AARS2: variants seen among roughly 807,000 people sequenced by gnomAD.
AARS2 encodes alanyl-tRNA synthetase 2, mitochondrial.
A neutral mutation model predicts 119.7 loss-of-function variants in AARS2; 78 were observed. That is an observed-to-expected ratio of 0.65 (90% CI 0.54 to 0.79). The LOEUF (loss-of-function observed/expected upper bound fraction) is 0.79, where lower values mean the gene tolerates loss of function less well. AARS2 is among the 30% of genes least tolerant of loss of function. The pLI is 0.00. For missense variants in AARS2, 1,157 were observed against 1,291.3 expected (o/e 0.90, Z 1.59); for synonymous variants, 502 against 526.3 (o/e 0.95, Z 0.63).
Position 44,299,140 on chromosome 6 carries a change from C to T in AARS2, c.*1407G>A, listed in dbSNP as rs1175048234. 6.6e-6 allele frequency among the ~76,000 whole-genome samples: 1 copy of T among 152,200 alleles called. No homozygotes were observed. The highest frequency in any genetic ancestry group is 1.5e-5 in the Non-Finnish European group (1 of 68,048). On this transcript the variant is annotated 3_prime_UTR_variant, in exon 22 of 22. Coordinates refer to ENST00000244571, the MANE Select transcript of AARS2 (RefSeq NM_020745.4). Reference sequence around the variant, plus strand: ...CCCTGATTTCCACACGGGTCACACCCTCACCTCCCAGCTCCCTGCTCACAT... The same window carrying T: ...CCCTGATTTCCACACGGGTCACACCTTCACCTCCCAGCTCCCTGCTCACAT...
At chr6:44,312,746 T>C (rs534152122) in intron 1 of AARS2, among the ~76,000 whole-genome samples, 12 of 152,168 alleles carry the variant, frequency 7.9e-5, no homozygotes, top group Non-Finnish European at 1.8e-4. Flanking sequence ...AGAATAGTAC[T>C]CAGCAAACAA....
At chr6:44,312,328 G>C (rs962132456) in intron 1 of AARS2, 65 bp from the exon 2 acceptor site, 10 of 1,526,926 alleles carry the variant, frequency 6.5e-6, no homozygotes, top group Non-Finnish European at 8.1e-6. Flanking sequence ...GGGAAATGTG[G>C]GGAGTGAGGA....
In AARS2 at chr6:44,312,739, A is replaced by C. The variant is rs143749459; in HGVS notation, c.243+342T>G. Reference sequence around the variant, plus strand: ...TTGATAAAAACCAAAACCTTAGAGAATAGTACTCAGCAAACAATAGGTGAT... The same window carrying C: ...TTGATAAAAACCAAAACCTTAGAGACTAGTACTCAGCAAACAATAGGTGAT... On this transcript the variant is annotated intron_variant, in intron 1 of 21. Coordinates refer to ENST00000244571, the MANE Select transcript of AARS2 (RefSeq NM_020745.4). Among the ~76,000 whole-genome samples, 512 of 152,338 alleles carry C rather than the reference A, an allele frequency of 3.4e-3. 7 individuals are homozygous for C. Among genetic ancestry groups the C allele is most frequent in the African/African-American group, 0.012 (493 of 41,588 alleles).
chr6:44,311,224 C>A (rs764076716), intron 3 of AARS2, 63 bp from the exon 4 acceptor site: 138 of 1,605,330 alleles, frequency 8.6e-5, no homozygotes, highest in Non-Finnish European at 1.1e-4. Flanking sequence ...ACTCTCTCTG[C>A]CATGAGAGCC....
chr6:44,304,282 G>A lies in AARS2; in HGVS notation c.1906C>T (p.His636Tyr). Residue 636 changes from histidine (H) to tyrosine (Y), a missense_variant, in exon 14 of 22, where the codon CAC (histidine) becomes TAC (tyrosine). By Grantham distance (83) the His-to-Tyr change is moderately conservative. Coordinates refer to ENST00000244571, the MANE Select transcript of AARS2 (RefSeq NM_020745.4). ...LGCMAKHTAT[H>Y]LLNWALRQTL... ...TGCCTCAGTGCCCAGTTCAGCAGGT[G>A]GGTGGCCGTATGCTTCGCCATGCAG... 1.2e-6 allele frequency: 2 copies of A among 1,614,202 alleles called. No homozygotes were observed. The highest frequency in any genetic ancestry group is 1.1e-5 in the South Asian group (1 of 91,088).
chr6:44,309,544 T>C (rs115375619), intron 5 of AARS2, among the ~76,000 whole-genome samples: 1,709 of 152,300 alleles, frequency 0.011, 34 homozygotes, highest in African/African-American at 0.038. Flanking sequence ...GTCAAGCCCT[T>C]TCTTGCGGGG....
In AARS2 at chr6:44,303,285, C is replaced by T; in HGVS notation, c.2145+1G>A. 6.2e-7 allele frequency: 1 copy of T among 1,614,162 alleles called. No individual in the cohort carries two copies. The highest frequency in any genetic ancestry group is 8.5e-7 in the Non-Finnish European group (1 of 1,180,034). On this transcript the variant is annotated splice_donor_variant, in intron 15 of 21. Coordinates refer to ENST00000244571, the MANE Select transcript of AARS2 (RefSeq NM_020745.4). LOFTEE classifies it high-confidence loss of function. ...CCAGCAAAAGGGCTTCCCCAACTCACCTCATCCAGAGAGCGCAGGCCAGGG... is the reference window on the plus strand; with the variant it reads ...CCAGCAAAAGGGCTTCCCCAACTCATCTCATCCAGAGAGCGCAGGCCAGGG...
At chr6:44,302,544 A>G in intron 17 of AARS2, 31 bp from the exon 18 acceptor site, 1 of 1,613,608 alleles carries the variant, frequency 6.2e-7, no homozygotes, top group Non-Finnish European at 8.5e-7. Flanking sequence ...GGTCAGGATT[A>G]CATTCATCTC....
At position 44,307,078 on chromosome 6, in the gene AARS2, C is replaced by T. The variant is rs776805334; in HGVS notation, c.1041-47G>A. ...ACATGAATCCCCAGCGGCTCATGGT[C>T]AGCAATATGGGGAGTGGGAAGGACG... On this transcript the variant is annotated intron_variant, in intron 6 of 21. Transcript: ENST00000244571. This position sits in a 1 kb window ranked among gnomAD's most constrained non-coding sequence, Gnocchi z 4.4. The T allele has an allele frequency of 1.9e-6, 3 of 1,606,810 alleles. No individual in the cohort carries two copies. The highest frequency in any genetic ancestry group is 2.6e-6 in the Non-Finnish European group (3 of 1,173,964).
chr6:44,304,757 G>A lies in AARS2; in HGVS notation c.1640C>T (p.Ala547Val), dbSNP rs1368931094. The change falls in exon 12 of 22, where the codon GCC (alanine) becomes GTC (valine). Residue 547 changes from alanine to valine, a missense_variant. Coordinates refer to ENST00000244571, the MANE Select transcript of AARS2 (RefSeq NM_020745.4). ...QLYTEDGTAV[A>V]SVGKGQRCGL... ...ACAGCGCTGGCCTTTCCCCACGGAGGCCACTGCTGTCCCGTCCTCTGTATA... is the reference window on the plus strand; with the variant it reads ...ACAGCGCTGGCCTTTCCCCACGGAGACCACTGCTGTCCCGTCCTCTGTATA... 3 of 1,614,116 alleles carry A rather than the reference G, an allele frequency of 1.9e-6. No homozygotes were observed. The highest frequency in any genetic ancestry group is 1.6e-4 in the Middle Eastern group (1 of 6,082).
rs114397709 is a variant in AARS2 at position 44,311,848 on chromosome 6, T to G, written c.435+224A>C. 5.8e-3 allele frequency among the ~76,000 whole-genome samples: 879 copies of G among 152,356 alleles called. 8 individuals carry two copies. The highest frequency in any genetic ancestry group is 0.02 in the African/African-American group (823 of 41,592). ...GCACCTTAGCATTGCTGTTTGACCA[T>G]TTATTCAAACAACAATTTTTGAGTG... On this transcript the variant is annotated intron_variant, in intron 2 of 21. Coordinates refer to ENST00000244571, the MANE Select transcript of AARS2 (RefSeq NM_020745.4).
In AARS2 at chr6:44,304,252, G is replaced by C. The variant is rs1785628752; in HGVS notation, c.1936C>G (p.Leu646Val). Residue 646 changes from leucine to valine, a missense_variant, in exon 14 of 22, where the codon CTG becomes GTG. Leu to Val is a conservative substitution (Grantham distance 32). Coordinates refer to ENST00000244571, the MANE Select transcript of AARS2 (RefSeq NM_020745.4). ...HLLNWALRQT[L>V]GPGTEQQGSH... ...CCCTGCTGCTCTGTGCCAGGGCCCA[G>C]GGTCTGCCTCAGTGCCCAGTTCAGC... 6.2e-7 allele frequency: 1 copy of C among 1,614,220 alleles called. No homozygotes were observed. Among genetic ancestry groups the C allele is most frequent in the Non-Finnish European group, 8.5e-7 (1 of 1,180,034 alleles).
Position 44,300,558 on chromosome 6 carries a change from T to C in AARS2, c.2947A>G (p.Ser983Gly), listed in dbSNP as rs1785270102. 1 of 1,614,046 alleles carries C rather than the reference T, an allele frequency of 6.2e-7. No individual in the cohort carries two copies. The highest frequency in any genetic ancestry group is 8.5e-7 in the Non-Finnish European group (1 of 1,180,032). ...ALSIAQTYAL[S>G]QL is the part of the protein sequence containing the mutation. ...TGGGCGGACCTGGGTCAGAGCTGGC[T>C]GAGGGCATAGGTTTGGGCTATACTG... is the stretch of plus-strand genomic sequence containing the variant. Residue 983 changes from serine (S) to glycine (G), a missense_variant, in exon 22 of 22, where the codon AGC becomes GGC. Transcript: ENST00000244571.
At chr6:44,309,047 C>T (rs1037980859) in intron 5 of AARS2, among the ~76,000 whole-genome samples, 1 of 152,214 alleles carries the variant, frequency 6.6e-6, no homozygotes, top group Non-Finnish European at 1.5e-5. Context: ...TGGGACTTTA[C>T]AGCTGTTTCC....
chr6:44,299,350 G>A lies in AARS2; in HGVS notation c.*1197C>T, dbSNP rs1009499618. ...GCGGCCTTGAATTCCTGGGCAAAGT[G>A]ATTTTCCCACCTCAGCCTCCCAAGT... is the stretch of plus-strand genomic sequence containing the variant. On this transcript the variant is annotated 3_prime_UTR_variant, in exon 22 of 22. Coordinates refer to ENST00000244571, the MANE Select transcript of AARS2 (RefSeq NM_020745.4). 6.6e-5 allele frequency among the ~76,000 whole-genome samples: 10 copies of A among 152,080 alleles called. No individual in the cohort carries two copies. The East Asian group carries it at 1.8e-3, about 27-fold the overall frequency.
chr6:44,300,750 C>T (rs771391213), intron 21 of AARS2, 39 bp from the exon 22 acceptor site: 2 of 1,603,466 alleles, frequency 1.2e-6, no homozygotes, highest in East Asian at 4.5e-5. Context: ...TGCAGAGTGG[C>T]CCTCCCTGCC....
At chr6:44,306,647 C>T (rs981677394) in intron 7 of AARS2, 115 bp from the exon 8 acceptor site, 1 of 1,280,086 alleles carries the variant, frequency 7.8e-7, no homozygotes, top group African/African-American at 1.5e-5. Flanking sequence ...CATTGAGGGG[C>T]TGGGAGAGGG....
rs897312131 is a variant in AARS2 at position 44,307,490 on chromosome 6, C to G, written c.895-96G>C. On this transcript the variant is annotated intron_variant, in intron 5 of 21. Transcript: ENST00000244571. The surrounding 1 kb of genome is among the most constrained non-coding windows in gnomAD (Gnocchi z 4.4). The stretch of plus-strand genomic sequence containing the variant: ...GAGCATCTGCCCTCAGCCCTAAAGC[C>G]AACCACATCCAGAATGGCCTTGCCA... 6.8e-6 allele frequency: 10 copies of G among 1,479,518 alleles called. No homozygotes were observed. Among genetic ancestry groups the G allele is most frequent in the African/African-American group, 2.8e-5 (2 of 72,078 alleles). 91.6% of individuals were successfully genotyped at this position (1,479,518 alleles called of 1,614,324 possible).
At position 44,300,172 on chromosome 6, in the gene AARS2, G is replaced by T; in HGVS notation, c.*375C>A. 1 of 279,578 alleles carries T rather than the reference G, an allele frequency of 3.6e-6. No homozygotes were observed. Among genetic ancestry groups the T allele is most frequent in the Non-Finnish European group, 7.0e-6 (1 of 142,176 alleles). The allele number at this position is 279,578 out of a possible 1,614,324, so 17.3% of individuals were successfully genotyped here. On this transcript the variant is annotated 3_prime_UTR_variant, in exon 22 of 22. Transcript: ENST00000244571. ...TTTTTTGTATTTTTAGTAGAGATGG[G>T]GTTTCACCATGTTAGCCAGGATGGT...
Sources: gnomAD v4.1 joint callset for allele counts (sites outside exome capture counted in the v4.1 genomes callset) on GRCh38, gnomAD v4.1.1 for gene constraint, Gnocchi (gnomAD v3.1) non-coding constraint, MANE v1.5 for transcripts, NCBI Gene and HGNC (gene_info 2026-07-23, HGNC 2026-07-21) for gene names.